Variants in CTH observed in about 807,000 individuals in gnomAD.
CTH encodes cystathionase (cystathionine gamma-lyase).
In CTH, 41 loss-of-function variants were observed where a neutral mutation model predicts 50.6. That is an observed-to-expected ratio of 0.81 (90% CI 0.63 to 1.05). The LOEUF is 1.05. CTH is among the 50% of genes least tolerant of loss of function. The probability of loss-of-function intolerance (pLI) is 0.00; values close to 1 mark genes in which losing one functional copy is unlikely to be tolerated. For synonymous variants in CTH, 156 were observed against 168.9 expected (o/e 0.92, Z 0.59); for missense variants, 470 against 492.6 (o/e 0.95, Z 0.43).
chr1:70,425,060 C>T (rs1452231988), intron 5 of CTH, among the ~76,000 whole-genome samples: 1 of 152,022 alleles, frequency 6.6e-6, no homozygotes, highest in African/African-American at 2.4e-5. Context: ...ACAAATCAGT[C>T]ATATTTTTCA....
chr1:70,439,256 A>C lies in CTH; in HGVS notation c.*129A>C, dbSNP rs1423754255. 4.8e-6 allele frequency: 4 copies of C among 827,296 alleles called. No homozygotes were observed. In the Admixed American group the frequency reaches 7.8e-5, roughly 16 times the overall value. 51.2% of individuals were successfully genotyped at this position (827,296 alleles called of 1,614,324 possible). A position where few individuals can be genotyped will look rare whatever the true frequency, so the allele number is the denominator to read the frequency against. On this transcript the variant is annotated 3_prime_UTR_variant, in exon 12 of 12. Coordinates refer to ENST00000370938, the MANE Select transcript of CTH (RefSeq NM_001902.6). Reference sequence around the variant, plus strand: ...TTTAAGGCACCTCATTATCTTTCATAACTGTAATTTTCTTAGGGATCATCT... The same window carrying C: ...TTTAAGGCACCTCATTATCTTTCATCACTGTAATTTTCTTAGGGATCATCT...
intron 6 of CTH, 59 bp downstream of exon 6, chr1:70,429,910 G>C: frequency 8.2e-7 from 1 of 1,216,454 alleles, no homozygotes; most frequent in South Asian, 1.2e-5. Flanking sequence ...CATAGGGCTT[G>C]GCTTTTGATC....
chr1:70,414,193 G>A (rs1684037630), intron 1 of CTH, among the ~76,000 whole-genome samples: 4 of 150,076 alleles, frequency 2.7e-5, no homozygotes, highest in Admixed American at 2.7e-4. Context: ...GTGGGGAGGG[G>A]TAAGGATATC....
In CTH at chr1:70,430,175, G is replaced by A. The variant is rs937046072; in HGVS notation, c.647-142G>A. 14 of 651,908 alleles carry A rather than the reference G, an allele frequency of 2.1e-5. No individual in the cohort carries two copies. In the Admixed American group the frequency reaches 3.5e-4, roughly 16 times the overall value. 40.4% of individuals were successfully genotyped at this position (651,908 alleles called of 1,614,324 possible). A position where few individuals can be genotyped will look rare whatever the true frequency, so the allele number is the denominator to read the frequency against. On this transcript the variant is annotated intron_variant, in intron 6 of 11. Transcript: ENST00000370938. ...TTTGCTACTGTCCAGTTGAATAAAG[G>A]TTACTTAAACTTATTTTATAGAGCT...
chr1:70,430,506 T>A, intron 7 of CTH, 112 bp downstream of exon 7: 1 of 648,064 alleles, frequency 1.5e-6, no homozygotes. Context: ...TATGAAGAAA[T>A]GAAAAATAGA....
intron 1 of CTH, among the ~76,000 whole-genome samples, 176 bp from the exon 2 acceptor site, chr1:70,415,780 A>G (rs1684077203): frequency 6.6e-6 from 1 of 152,202 alleles, no homozygotes; most frequent in African/African-American, 2.4e-5. Flanking sequence ...AGTTTGTTTG[A>G]CTTCAGAGCA....
chr1:70,426,545 C>T (rs1473096568), intron 5 of CTH, among the ~76,000 whole-genome samples: 1 of 152,216 alleles, frequency 6.6e-6, no homozygotes, highest in Non-Finnish European at 1.5e-5. Flanking sequence ...TTTTCACCTT[C>T]CTCCATTTTA....
chr1:70,420,646 A>G (rs79934683), intron 3 of CTH, among the ~76,000 whole-genome samples: 4,504 of 152,254 alleles, frequency 0.03, 84 homozygotes, highest in Non-Finnish European at 0.044. Flanking sequence ...CCTGCTTTAA[A>G]GGAAGGGACT....
chr1:70,416,103 C>T (rs1345743941), intron 2 of CTH, 66 bp downstream of exon 2: 10 of 960,122 alleles, frequency 1.0e-5, no homozygotes, highest in African/African-American at 9.6e-5. Flanking sequence ...CATAGAGGCA[C>T]AGAATGTGGA....
At chr1:70,436,477 CCTAA>C (rs1317989442) in intron 10 of CTH, among the ~76,000 whole-genome samples, 1 of 152,038 alleles carries the variant, frequency 6.6e-6, no homozygotes, top group African/African-American at 2.4e-5. Flanking sequence ...AACATCATAA[CCTAA>C]CTATTTTTAA....
intron 10 of CTH, among the ~76,000 whole-genome samples, chr1:70,435,630 T>C (rs553293141): frequency 6.6e-6 from 1 of 152,006 alleles, no homozygotes; most frequent in East Asian, 1.9e-4. Context: ...CTGTCAAATC[T>C]TTTGTTTTCT....
At position 70,429,853 on chromosome 1, in the gene CTH, T is replaced by C; in HGVS notation, c.646+2T>C. On this transcript the variant is annotated splice_donor_variant, in intron 6 of 11. Coordinates refer to ENST00000370938, the MANE Select transcript of CTH (RefSeq NM_001902.6). LOFTEE classifies it high-confidence loss of function. ...ATTCTGCAACAAAATACATGAATGG[T>C]AAGATGCATACTTTGAATGTTCTTT... 2 of 1,604,004 alleles carry C rather than the reference T, an allele frequency of 1.2e-6. No individual in the cohort carries two copies. Among genetic ancestry groups the C allele is most frequent in the Non-Finnish European group, 1.7e-6 (2 of 1,170,876 alleles).
intron 1 of CTH, among the ~76,000 whole-genome samples, 170 bp from the exon 2 acceptor site, chr1:70,415,786 G>A (rs2101728748): frequency 6.6e-6 from 1 of 152,304 alleles, no homozygotes; most frequent in South Asian, 2.1e-4. Context: ...TTTGACTTCA[G>A]AGCATCTTGA....
At chr1:70,430,194 T>C (rs1301546174) in intron 6 of CTH, 123 bp from the exon 7 acceptor site, 2 of 689,958 alleles carry the variant, frequency 2.9e-6, no homozygotes, top group African/African-American at 1.8e-5. Flanking sequence ...ACTTATTTTA[T>C]AGAGCTTTTT....
rs573375895 is a variant in CTH at position 70,436,227 on chromosome 1, G to A, written c.1052+1050G>A. Among the ~76,000 whole-genome samples the A allele has an allele frequency of 2.6e-5, 4 of 152,028 alleles. No individual in the cohort carries two copies. In the East Asian group the frequency reaches 5.8e-4, roughly 22 times the overall value. Reference sequence around the variant, plus strand: ...CTTGGGTGGCTAAGGCACGAGAATCGCTTGAACCCAAGTGATGGAGGTTGC... The same window carrying A: ...CTTGGGTGGCTAAGGCACGAGAATCACTTGAACCCAAGTGATGGAGGTTGC... On this transcript the variant is annotated intron_variant, in intron 10 of 11. Coordinates refer to ENST00000370938, the MANE Select transcript of CTH (RefSeq NM_001902.6).
At chr1:70,438,999 A>G (rs1684661701) in intron 11 of CTH, 102 bp from the exon 12 acceptor site, 3 of 1,526,232 alleles carry the variant, frequency 2.0e-6, no homozygotes, top group Non-Finnish European at 9.1e-7. Flanking sequence ...GTCAAAGTGC[A>G]TATTTAAAGG....
chr1:70,432,401 A>G (rs1277700518), intron 8 of CTH, among the ~76,000 whole-genome samples, 166 bp downstream of exon 8: 1 of 152,196 alleles, frequency 6.6e-6, no homozygotes, highest in Non-Finnish European at 1.5e-5. Flanking sequence ...GTCAGGTGGA[A>G]AGAAGATAGA....
chr1:70,437,039 T>C (rs575388395), intron 10 of CTH, among the ~76,000 whole-genome samples: 11 of 152,262 alleles, frequency 7.2e-5, no homozygotes, highest in African/African-American at 2.6e-4. Context: ...TAGTGCAGCA[T>C]TGCAATATGG....
In CTH at chr1:70,421,995, G is replaced by A. The variant is rs568824836; in HGVS notation, c.456+320G>A. Among the ~76,000 whole-genome samples, 13 of 152,316 alleles carry A rather than the reference G, an allele frequency of 8.5e-5. 1 individual carries two copies. The highest frequency in any genetic ancestry group is 8.5e-4 in the Admixed American group (13 of 15,292). On this transcript the variant is annotated intron_variant, in intron 4 of 11. Coordinates refer to ENST00000370938, the MANE Select transcript of CTH (RefSeq NM_001902.6). ...ACCGGTTTTATAGAAACGGGAGTGT[G>A]AGAATCAAATGAGATAATGAATATG... is the stretch of plus-strand genomic sequence containing the variant.
Sources: gnomAD v4.1 joint callset for allele counts (sites outside exome capture counted in the v4.1 genomes callset) on GRCh38, gnomAD v4.1.1 for gene constraint, MANE v1.5 for transcripts, NCBI Gene and HGNC (gene_info 2026-07-23, HGNC 2026-07-21) for gene names.